Variants in ORC6 observed in about 807,000 individuals in gnomAD.
ORC6 encodes the protein origin recognition complex, subunit 6 homolog-like (yeast).
ORC6 carries 31 observed loss-of-function variants against 30.0 expected under a neutral mutation model. That is an observed-to-expected ratio of 1.03 (90% CI 0.78 to 1.40). The LOEUF (loss-of-function observed/expected upper bound fraction) is 1.40. Among genes scored for constraint, ORC6 ranks in the 40% most tolerant of loss-of-function variants. The pLI is 0.00. For missense variants in ORC6, 340 were observed against 304.3 expected, an observed-to-expected ratio of 1.12 and a Z score of -0.87; for synonymous variants, 136 against 111.2, an observed-to-expected ratio of 1.22 and a Z score of -1.40.
rs772273539 is a variant in ORC6, at chr16:46,695,633, G to A, written c.521G>A (p.Arg174Gln). ...TSGVKKAIFD[R>Q]LCKQLEKIGQ... Reference sequence around the variant, plus strand: ...GGTGTAAAAAAAGCTATATTTGATCGACTGTGTAAACAACTAGAGAAGATT... The same window carrying A: ...GGTGTAAAAAAAGCTATATTTGATCAACTGTGTAAACAACTAGAGAAGATT... Residue 174 changes from arginine to glutamine, a missense_variant, in exon 5 of 7, where the codon CGA becomes CAA. Transcript: ENST00000219097. 3.7e-6 allele frequency: 6 copies of A among 1,613,374 alleles called. No individual in the cohort carries two copies. The Admixed American group carries it at 5.0e-5, about 13-fold the overall frequency.
Position 46,694,619 on chromosome 16 carries a change from GC to G in ORC6, c.450-942del, listed in dbSNP as rs1966498002. 6 of 85,606 alleles carry G rather than the reference GC, an allele frequency of 7.0e-5. 1 individual carries two copies. In the South Asian group the frequency reaches 1.4e-3, roughly 21 times the overall value. 5.3% of individuals were successfully genotyped at this position (85,606 alleles called of 1,614,324 possible). A position where few individuals can be genotyped will look rare whatever the true frequency, so the allele number is the denominator to read the frequency against. On this transcript the variant is annotated intron_variant, in intron 4 of 6. Coordinates refer to ENST00000219097, the MANE Select transcript of ORC6 (RefSeq NM_014321.4). Reference sequence around the variant, plus strand: ...TCACTTCCCAGTAGGGGCGGCCGGGGCGGCTGGCCGGGCGGGGGGCTGACCC... The same window carrying G: ...TCACTTCCCAGTAGGGGCGGCCGGGGGGCTGGCCGGGCGGGGGGCTGACCC...
Position 46,693,115 on chromosome 16 carries a change from A to G in ORC6, c.382A>G (p.Thr128Ala), listed in dbSNP as rs1966467554. ...LKSYESSLPQ[T>A]QQVDLDLSRP... ...TAGCTATGAGTCCAGTCTTCCCCAG[A>G]CACAGCAAGTGGATCTTGACTTATC... The change falls in exon 4 of 7, where the codon ACA (threonine) becomes GCA (alanine). Residue 128 changes from threonine (T) to alanine (A), a missense_variant. Thr to Ala is a moderately conservative substitution (Grantham distance 58). Transcript: ENST00000219097. The G allele has an allele frequency of 6.2e-7, 1 of 1,611,770 alleles. No homozygotes were observed. Among genetic ancestry groups the G allele is most frequent in the African/African-American group, 1.3e-5 (1 of 74,904 alleles).
intron 6 of ORC6, 65 bp from the exon 7 acceptor site, chr16:46,697,393 A>T: frequency 7.2e-7 from 1 of 1,396,176 alleles, no homozygotes; most frequent in Non-Finnish European, 1.0e-6. Flanking sequence ...AAACAAGTTT[A>T]CCTTTTTTTA....
intron 6 of ORC6, among the ~76,000 whole-genome samples, chr16:46,696,478 G>T (rs1378737253): frequency 2.0e-5 from 3 of 152,122 alleles, no homozygotes; most frequent in African/African-American, 7.2e-5. Flanking sequence ...GATTATTTTT[G>T]TCTTTCGGAG....
At position 46,690,751 on chromosome 16, in the gene ORC6, A is replaced by AT. The variant is rs1262674164; in HGVS notation, c.66-233dup. On this transcript the variant is annotated intron_variant, in intron 1 of 6. Transcript: ENST00000219097. ...GTAATGGAAGGAGGAAAGAAGGGTAATTTTTTTGTCAAAATTTAACTTCCT... is the reference window on the plus strand; with the variant it reads ...GTAATGGAAGGAGGAAAGAAGGGTAATTTTTTTTGTCAAAATTTAACTTCCT... 1.1e-4 allele frequency: 64 copies of AT among 562,414 alleles called. No homozygotes were observed. The East Asian group carries it at 1.2e-3, about 10-fold the overall frequency. The allele number at this position is 562,414 out of a possible 1,614,324, so 34.8% of individuals were successfully genotyped here. A position where few individuals can be genotyped will look rare whatever the true frequency, so the allele number is the denominator to read the frequency against.
intron 1 of ORC6, chr16:46,690,773 TCC>T: frequency 1.7e-6 from 1 of 604,686 alleles, no homozygotes; most frequent in Admixed American, 2.6e-5. Context: ...AAATTTAACT[TCC>T]TTTTGCCTGA....
Position 46,695,903 on chromosome 16 carries a change from C to G in ORC6, c.563-114C>G, listed in dbSNP as rs953523312. 5 of 836,870 alleles carry G rather than the reference C, an allele frequency of 6.0e-6. No homozygotes were observed. In the African/African-American group the frequency reaches 8.4e-5, roughly 14 times the overall value. The allele number at this position is 836,870 out of a possible 1,614,324, so 51.8% of individuals were successfully genotyped here. Reference sequence around the variant, plus strand: ...AAAAGAGAGGTCTAAGATCATTTCTCTTCTCCTCATATTTGATCAGTTAAG... The same window carrying G: ...AAAAGAGAGGTCTAAGATCATTTCTGTTCTCCTCATATTTGATCAGTTAAG... On this transcript the variant is annotated intron_variant, in intron 5 of 6. Transcript: ENST00000219097.
At chr16:46,692,069 T>C (rs1483520385) in intron 2 of ORC6, among the ~76,000 whole-genome samples, 1 of 151,922 alleles carries the variant, frequency 6.6e-6, no homozygotes, top group Middle Eastern at 3.4e-3. Flanking sequence ...TAAACACAAG[T>C]AACCATCTGT....
At chr16:46,690,594 C>T (rs1265359201) in intron 1 of ORC6, among the ~76,000 whole-genome samples, 1 of 152,096 alleles carries the variant, frequency 6.6e-6, no homozygotes, top group Non-Finnish European at 1.5e-5. Context: ...GGCCTGGGAC[C>T]CAGTAATTTG....
chr16:46,697,867 C>T lies in ORC6; in HGVS notation c.*282C>T. ...CAGTGGCTCACGCCTGTAATCCCAG[C>T]ACTTTGGGAGGCCAAGGTGGGTGGA... is the stretch of plus-strand genomic sequence containing the variant. On this transcript the variant is annotated 3_prime_UTR_variant, in exon 7 of 7. Transcript: ENST00000219097. 2.0e-6 allele frequency: 1 copy of T among 489,786 alleles called. No individual in the cohort carries two copies. The highest frequency in any genetic ancestry group is 1.5e-5 in the South Asian group (1 of 64,776). The allele number at this position is 489,786 out of a possible 1,614,324, so 30.3% of individuals were successfully genotyped here.
At chr16:46,693,204 CA>C in intron 4 of ORC6, 22 bp downstream of exon 4, 1 of 1,524,516 alleles carries the variant, frequency 6.6e-7, no homozygotes. Flanking sequence ...ATTAAACATT[CA>C]GAAAAGTTAC....
rs529806410 is a variant in ORC6 at position 46,693,309 on chromosome 16, A to G, written c.449+127A>G. The G allele has an allele frequency of 1.8e-4, 129 of 698,068 alleles. No homozygotes were observed. The African/African-American group carries it at 2.0e-3, about 11-fold the overall frequency. The allele number at this position is 698,068 out of a possible 1,614,324, so 43.2% of individuals were successfully genotyped here. ...TTTTCCCCTAGAAATAATATTAGGA[A>G]TATTGGCCAAGTGACTATATTCCCA... On this transcript the variant is annotated intron_variant, in intron 4 of 6. Transcript: ENST00000219097.
intron 4 of ORC6, among the ~76,000 whole-genome samples, chr16:46,694,679 A>G (rs1263410936): frequency 1.3e-5 from 2 of 151,868 alleles, no homozygotes; most frequent in East Asian, 3.9e-4. Flanking sequence ...AAAAAACAAA[A>G]CACTGGCTAC....
intron 2 of ORC6, 120 bp downstream of exon 2, chr16:46,691,240 GT>G (rs1315170525): frequency 1.1e-6 from 1 of 945,750 alleles, no homozygotes; most frequent in Admixed American, 2.0e-5. Flanking sequence ...GTATTCTTGT[GT>G]GTTATTCTGG....
chr16:46,690,416 G>A (rs1350370572), intron 1 of ORC6, among the ~76,000 whole-genome samples: 1 of 152,202 alleles, frequency 6.6e-6, no homozygotes, highest in Admixed American at 6.5e-5. Context: ...GGGAAGGCAA[G>A]GAAAACAGCA....
chr16:46,691,958 A>ACACACACCCTCTCTCTCT, intron 2 of ORC6, among the ~76,000 whole-genome samples: 1 of 36,664 alleles, frequency 2.7e-5, no homozygotes, highest in Admixed American at 4.0e-4. Flanking sequence ...ACACACACAC[A>ACACACACCCTCTCTCTCT]CTCTCTCTCT....
rs186276226 is a variant in ORC6, at chr16:46,690,376, T to C, written c.65+606T>C. On this transcript the variant is annotated intron_variant, in intron 1 of 6. Coordinates refer to ENST00000219097, the MANE Select transcript of ORC6 (RefSeq NM_014321.4). ...GGATCCGGGGTTCGAAATAAAGCCATTGTAGCTAAAACGTGGAGCAGTCAG... is the reference window on the plus strand; with the variant it reads ...GGATCCGGGGTTCGAAATAAAGCCACTGTAGCTAAAACGTGGAGCAGTCAG... Among the ~76,000 whole-genome samples, 5 of 152,262 alleles carry C rather than the reference T, an allele frequency of 3.3e-5. No individual in the cohort carries two copies. In the East Asian group the frequency reaches 7.7e-4, roughly 24 times the overall value.
chr16:46,692,092 G>GT (rs1279415670), intron 2 of ORC6, among the ~76,000 whole-genome samples: 1 of 151,588 alleles, frequency 6.6e-6, no homozygotes, highest in Admixed American at 6.6e-5. Flanking sequence ...GTTTCCTGTG[G>GT]TTTTTTACTG....
At chr16:46,695,492 A>G (rs928193245) in intron 4 of ORC6, 70 bp from the exon 5 acceptor site, 8 of 920,700 alleles carry the variant, frequency 8.7e-6, no homozygotes, top group Non-Finnish European at 1.4e-5. Flanking sequence ...AAATAAGTTG[A>G]TTATCTGGTT....
Sources: allele counts gnomAD v4.1 joint callset (sites outside exome capture counted in the v4.1 genomes callset), GRCh38; gene constraint gnomAD v4.1.1; transcripts MANE v1.5; gene names NCBI Gene and HGNC (gene_info 2026-07-23, HGNC 2026-07-21).